The following UBE2Q1 variants were observed in gnomAD, a reference collection of about 807,000 sequenced individuals.
UBE2Q1 encodes ubiquitin-conjugating enzyme E2 Q1.
In UBE2Q1, 6 loss-of-function variants were observed where a neutral mutation model predicts 60.1. The observed-to-expected ratio is 0.10, with a 90% confidence interval of 0.05 to 0.20. The LOEUF (loss-of-function observed/expected upper bound fraction) is 0.20, where lower values mean the gene tolerates loss of function less well. UBE2Q1 is among the 10% of genes least tolerant of loss of function. The pLI is 1.00. For synonymous variants in UBE2Q1, 226 were observed against 208.3 expected, an observed-to-expected ratio of 1.09 and a Z score of -0.73; for missense variants, 262 against 525.8, an observed-to-expected ratio of 0.50 and a Z score of 4.91.
intron 5 of UBE2Q1, 50 bp from the exon 6 acceptor site, chr1:154,552,870 C>T: frequency 6.2e-7 from 1 of 1,609,320 alleles, no homozygotes. Flanking sequence ...GGTTTATAAA[C>T]ACACGTTAGA....
In UBE2Q1 at chr1:154,558,275, T is replaced by TG; in HGVS notation, c.278dup (p.Arg94ThrfsTer31). ...CAGGATCCCCAGGCACCGACCCCCGTGGGGGGAGATGCGGTCCGGGCGCGG... is the reference window on the plus strand; with the variant it reads ...CAGGATCCCCAGGCACCGACCCCCGTGGGGGGGAGATGCGGTCCGGGCGCGG... On this transcript the variant is annotated frameshift_variant, in exon 1 of 13. Coordinates refer to ENST00000292211, the MANE Select transcript of UBE2Q1 (RefSeq NM_017582.7). LOFTEE classifies it high-confidence loss of function. 1 of 1,576,458 alleles carries TG rather than the reference T, an allele frequency of 6.3e-7. No homozygotes were observed.
chr1:154,548,777 T>C lies in UBE2Q1; in HGVS notation c.*1661A>G, dbSNP rs1486578706. 1.3e-5 allele frequency: 2 copies of C among 152,644 alleles called. No homozygotes were observed. The highest frequency in any genetic ancestry group is 1.9e-4 in the East Asian group (1 of 5,196). 9.5% of individuals were successfully genotyped at this position (152,644 alleles called of 1,614,324 possible). A position where few individuals can be genotyped will look rare whatever the true frequency, so the allele number is the denominator to read the frequency against. The stretch of plus-strand genomic sequence containing the variant: ...CTCTATGGAATGAATTTTCCCCTTA[T>C]GTCCCGTCTTTATCTCAACCTCAGC... On this transcript the variant is annotated 3_prime_UTR_variant, in exon 13 of 13. Transcript: ENST00000292211.
At chr1:154,553,278 A>G in intron 4 of UBE2Q1, 106 bp from the exon 5 acceptor site, 2 of 1,425,500 alleles carry the variant, frequency 1.4e-6, no homozygotes, top group South Asian at 1.3e-5. Flanking sequence ...GCCAAAAGTT[A>G]AAGTGAAGCA....
At position 154,553,014 on chromosome 1, in the gene UBE2Q1, T is replaced by C. The variant is rs775661078; in HGVS notation, c.729+18A>G. On this transcript the variant is annotated intron_variant, in intron 5 of 12. Coordinates refer to ENST00000292211, the MANE Select transcript of UBE2Q1 (RefSeq NM_017582.7). ...TCCCACCAACCCCTTCACCAGCCTC[T>C]CTCTAGAAGGCACGTACATTTAAGT... The C allele has an allele frequency of 8.7e-6, 14 of 1,612,358 alleles. No homozygotes were observed. Among genetic ancestry groups the C allele is most frequent in the Non-Finnish European group, 1.1e-5 (13 of 1,179,212 alleles).
chr1:154,552,697 G>A (rs1243570765), intron 6 of UBE2Q1, 39 bp downstream of exon 6: 1 of 1,601,942 alleles, frequency 6.2e-7, no homozygotes, highest in Non-Finnish European at 8.5e-7. Context: ...CTTCTTTATG[G>A]GTGACTCTTG....
At position 154,558,301 on chromosome 1, in the gene UBE2Q1, C is replaced by T; in HGVS notation, c.253G>A (p.Ala85Thr). The T allele has an allele frequency of 1.3e-6, 2 of 1,582,850 alleles. No individual in the cohort carries two copies. Among genetic ancestry groups the T allele is most frequent in the South Asian group, 1.1e-5 (1 of 87,548 alleles). ...GGGGGGAGATGCGGTCCGGGCGCGG[C>T]CCCCGCCCCGGCCCCTCCGGCCCCA... ...LAGAGGAGAGAAPGPHLPPRG... is the reference protein window; with the variant it reads ...LAGAGGAGAGTAPGPHLPPRG... Residue 85 changes from alanine (A) to threonine (T), a missense_variant, in exon 1 of 13, where the codon GCC becomes ACC. This residue lies in a region of UBE2Q1 where 49 missense variants were observed against 32.5 expected (regional missense o/e 1.51). Transcript: ENST00000292211.
chr1:154,551,465 A>C lies in UBE2Q1; in HGVS notation c.1102T>G (p.Ser368Ala). 1 of 1,614,040 alleles carries C rather than the reference A, an allele frequency of 6.2e-7. No individual in the cohort carries two copies. The highest frequency in any genetic ancestry group is 8.5e-7 in the Non-Finnish European group (1 of 1,179,982). ...QGWSSAYSIE[S>A]VIMQISATLV... ...GTGGCACTGATCTGCATGATCACTG[A>C]CTCTATGGAGTAGGCACTGCTCCAG... is the stretch of plus-strand genomic sequence containing the variant. The change falls in exon 11 of 13, where the codon TCA becomes GCA. Residue 368 changes from serine (S) to alanine (A), a missense_variant. Around this residue, in one of 5 missense-constraint regions of UBE2Q1, gnomAD observed 22 missense variants for 121.5 expected, o/e 0.18. Transcript: ENST00000292211.
chr1:154,555,597 T>C, intron 2 of UBE2Q1, 65 bp from the exon 3 acceptor site: 1 of 1,489,264 alleles, frequency 6.7e-7, no homozygotes. Flanking sequence ...AGTGCATGGA[T>C]GAGCTCTTAG....
In UBE2Q1 at chr1:154,553,092, T is replaced by G; in HGVS notation, c.669A>C (p.Gly223=). ...TCTCTAGGATGGCCAAGTTTTCTTT[T>G]CCAATGCCATCATCTTCAGATTTCT... The part of the protein sequence containing the change: ...EGKKSEDDGI[G]KENLAILEKI... Residue 223 remains glycine, a synonymous_variant, in exon 5 of 13, where the codon GGA becomes GGC. Coordinates refer to ENST00000292211, the MANE Select transcript of UBE2Q1 (RefSeq NM_017582.7). 1 of 1,614,184 alleles carries G rather than the reference T, an allele frequency of 6.2e-7. No homozygotes were observed. Among genetic ancestry groups the G allele is most frequent in the Non-Finnish European group, 8.5e-7 (1 of 1,180,050 alleles).
At chr1:154,555,668 G>T in intron 2 of UBE2Q1, 136 bp from the exon 3 acceptor site, 2 of 957,904 alleles carry the variant, frequency 2.1e-6, no homozygotes, top group Non-Finnish European at 3.2e-6. Flanking sequence ...CTGTGGGAAT[G>T]AGTCTCCTGA....
At chr1:154,556,014 A>G in intron 1 of UBE2Q1, 50 bp from the exon 2 acceptor site, 1 of 1,563,970 alleles carries the variant, frequency 6.4e-7, no homozygotes, top group Non-Finnish European at 8.8e-7. Flanking sequence ...ACTCTGGGAA[A>G]AGCCAGATTT....
At chr1:154,550,497 G>A (rs1171698443) in intron 12 of UBE2Q1, 28 bp from the exon 13 acceptor site, 4 of 1,613,730 alleles carry the variant, frequency 2.5e-6, no homozygotes, top group South Asian at 2.2e-5. Context: ...GGTCAGTGAG[G>A]TGAAGGTTCA....
intron 12 of UBE2Q1, 97 bp downstream of exon 12, chr1:154,550,841 T>C (rs1418626292): frequency 3.1e-6 from 5 of 1,603,130 alleles, no homozygotes; most frequent in Non-Finnish European, 4.3e-6. Flanking sequence ...TGGTTGAGTA[T>C]CAGAAACCAA....
intron 6 of UBE2Q1, 77 bp downstream of exon 6, chr1:154,552,659 A>C: frequency 6.5e-7 from 1 of 1,537,808 alleles, no homozygotes; most frequent in South Asian, 1.2e-5. Context: ...TGGACCCCAG[A>C]ACCTCTTGGG....
chr1:154,557,515 C>G (rs763509644), intron 1 of UBE2Q1, among the ~76,000 whole-genome samples: 1 of 152,124 alleles, frequency 6.6e-6, no homozygotes, highest in Non-Finnish European at 1.5e-5. Context: ...GGGTAGCCCT[C>G]GCACATCACA....
chr1:154,550,169 A>T lies in UBE2Q1; in HGVS notation c.*269T>A. The T allele has an allele frequency of 2.1e-6, 1 of 466,746 alleles. No homozygotes were observed. Among genetic ancestry groups the T allele is most frequent in the Non-Finnish European group, 3.8e-6 (1 of 261,426 alleles). The allele number at this position is 466,746 out of a possible 1,614,324, so 28.9% of individuals were successfully genotyped here. A position where few individuals can be genotyped will look rare whatever the true frequency, so the allele number is the denominator to read the frequency against. On this transcript the variant is annotated 3_prime_UTR_variant, in exon 13 of 13. Coordinates refer to ENST00000292211, the MANE Select transcript of UBE2Q1 (RefSeq NM_017582.7). ...TTCCAGCAATATAAGGAGGCTCGAAAGTTTCTTTTATAAGAATGCCTGCTA... is the reference window on the plus strand; with the variant it reads ...TTCCAGCAATATAAGGAGGCTCGAATGTTTCTTTTATAAGAATGCCTGCTA...
intron 4 of UBE2Q1, chr1:154,553,510 C>T (rs1296378420): frequency 4.8e-6 from 1 of 207,338 alleles, no homozygotes. Context: ...AGAAACTCTT[C>T]CCTAATTCCT....
Position 154,558,578 on chromosome 1 carries a change from C to A in UBE2Q1, c.-25G>T, listed in dbSNP as rs1373608690. 6 of 1,017,582 alleles carry A rather than the reference C, an allele frequency of 5.9e-6. No homozygotes were observed. Among genetic ancestry groups the A allele is most frequent in the East Asian group, 1.0e-4 (1 of 10,050 alleles). 63.0% of individuals were successfully genotyped at this position (1,017,582 alleles called of 1,614,324 possible). A position where few individuals can be genotyped will look rare whatever the true frequency, so the allele number is the denominator to read the frequency against. On this transcript the variant is annotated 5_prime_UTR_variant, in exon 1 of 13. Coordinates refer to ENST00000292211, the MANE Select transcript of UBE2Q1 (RefSeq NM_017582.7). ...TCCTCCGCTCCGCTCCGCTCCGGGG[C>A]CGGCGGGCCGGGAGCCTCCGGCCTG...
rs748797032 is a variant in UBE2Q1 at position 154,555,956 on chromosome 1, G to A, written c.336C>T (p.Tyr112=). 1.7e-5 allele frequency: 28 copies of A among 1,613,894 alleles called. No homozygotes were observed. The Admixed American group carries it at 4.2e-4, about 24-fold the overall frequency. The change falls in exon 2 of 13, where the codon TAC becomes TAT. Residue 112 remains tyrosine, a synonymous_variant. Transcript: ENST00000292211. ...VRIHCNITES[Y]PAVPPIWSVE... ...CCGACCAGATGGGGGGCACAGCAGG[G>A]TATGACTCCTGAAGGGAAAAGAGCA...
Sources: gnomAD v4.1 joint callset for allele counts (sites outside exome capture counted in the v4.1 genomes callset) on GRCh38, gnomAD v4.1.1 for gene constraint, gnomAD v4.1.1 regional missense constraint, MANE v1.5 for transcripts, NCBI Gene and HGNC (gene_info 2026-07-23, HGNC 2026-07-21) for gene names.